RYK: variants seen among roughly 807,000 people sequenced by gnomAD.
RYK encodes receptor like tyrosine kinase.
In RYK, 21 loss-of-function variants were observed where a neutral mutation model predicts 70.2. That is an observed-to-expected ratio of 0.30 (90% CI 0.21 to 0.43). RYK has a LOEUF of 0.43. Ranked by LOEUF, RYK falls within the 20% of genes least tolerant of loss-of-function variation. RYK has a pLI of 1.00. For missense variants in RYK, 604 were observed against 753.3 expected, an observed-to-expected ratio of 0.80 and a Z score of 2.32; for synonymous variants, 267 against 278.0, an observed-to-expected ratio of 0.96 and a Z score of 0.39.
chr3:134,249,291 G>A (rs1559770482), intron 1 of RYK, among the ~76,000 whole-genome samples: 4 of 152,082 alleles, frequency 2.6e-5, no homozygotes, highest in Non-Finnish European at 4.4e-5. Context: ...ATCCGTACAT[G>A]TAATGTCTAA....
In RYK at chr3:134,188,898, C is replaced by T; in HGVS notation, c.1041G>A (p.Gly347=). 6.4e-7 allele frequency: 1 copy of T among 1,574,622 alleles called. No individual in the cohort carries two copies. The highest frequency in any genetic ancestry group is 1.2e-5 in the South Asian group (1 of 86,912). Residue 347 remains glycine, a synonymous_variant, in exon 9 of 15, where the codon GGG becomes GGA. Transcript: ENST00000623711. The part of the protein sequence containing the change: ...QEGTFGRIFH[G]ILIDEKDPNK... ...TTGGATCTTTTTCATCTATTAAAAT[C>T]CCATGGAAAATACGCCCAAAAGTAC...
chr3:134,181,910 A>C (rs2013307038), intron 10 of RYK, among the ~76,000 whole-genome samples: 1 of 152,196 alleles, frequency 6.6e-6, no homozygotes, highest in East Asian at 1.9e-4. Flanking sequence ...TCATGCCTGT[A>C]ATCCCAGCAC....
At chr3:134,184,338 T>C (rs1362299563) in intron 9 of RYK, among the ~76,000 whole-genome samples, 2 of 152,162 alleles carry the variant, frequency 1.3e-5, no homozygotes. Context: ...TAAGTCTACA[T>C]CTCCAAAGGA....
At chr3:134,234,895 A>C (rs1431211826) in intron 1 of RYK, among the ~76,000 whole-genome samples, 1 of 152,108 alleles carries the variant, frequency 6.6e-6, no homozygotes, top group Non-Finnish European at 1.5e-5. Flanking sequence ...TATAAGTATG[A>C]CCATGGTACA....
At chr3:134,227,298 C>T (rs1020098530) in intron 1 of RYK, among the ~76,000 whole-genome samples, 3 of 152,166 alleles carry the variant, frequency 2.0e-5, no homozygotes, top group Non-Finnish European at 2.9e-5. Context: ...GAGAGACATA[C>T]TGTACCATTC....
chr3:134,178,031 T>G lies in RYK; in HGVS notation c.1215A>C (p.Glu405Asp). Reference protein sequence around the residue: ...PITHVCIEEGEKPMVILPYMN... With the variant: ...PITHVCIEEGDKPMVILPYMN... ...TGTAAGGCAATATCACCATGGGCTT[T>G]TCTCCTTCTTCTATACACACATGAG... Residue 405 changes from glutamate to aspartate, a missense_variant, in exon 11 of 15, where the codon GAA (glutamate) becomes GAC (aspartate). Around this residue, in one of 2 missense-constraint regions of RYK, gnomAD observed 466 missense variants for 535.9 expected, o/e 0.87. Transcript: ENST00000623711. The G allele has an allele frequency of 6.2e-7, 1 of 1,603,290 alleles. No individual in the cohort carries two copies. Among genetic ancestry groups the G allele is most frequent in the Non-Finnish European group, 8.5e-7 (1 of 1,171,588 alleles).
chr3:134,178,046 A>G lies in RYK; in HGVS notation c.1200T>C (p.Cys400=). 1 of 1,594,200 alleles carries G rather than the reference A, an allele frequency of 6.3e-7. No individual in the cohort carries two copies. The highest frequency in any genetic ancestry group is 8.6e-7 in the Non-Finnish European group (1 of 1,167,666). ...HRNLLPITHV[C]IEEGEKPMVI... ...CCATGGGCTTTTCTCCTTCTTCTAT[A>G]CACACATGAGTAATAGGAAGAAGAT... is the stretch of plus-strand genomic sequence containing the variant. Residue 400 remains cysteine, a synonymous_variant, in exon 11 of 15, where the codon TGT becomes TGC. Transcript: ENST00000623711.
chr3:134,195,156 C>A lies in RYK; in HGVS notation c.815G>T (p.Gly272Val), dbSNP rs756817652. 8 of 1,612,600 alleles carry A rather than the reference C, an allele frequency of 5.0e-6. No homozygotes were observed. Among genetic ancestry groups the A allele is most frequent in the Non-Finnish European group, 2.5e-6 (3 of 1,179,278 alleles). Residue 272 changes from glycine (G) to valine (V), a missense_variant, in exon 7 of 15, where the codon GGG becomes GTG. Gly to Val is a moderately radical substitution (Grantham distance 109, BLOSUM62 -3). Transcript: ENST00000623711. ...DSISASSSSQ[G>V]LSQPSTQTTQ... ...CGTCTGGGTGGATGGCTGAGACAGCCCTTGGGAACTACTGCTGGCACTAAT... is the reference window on the plus strand; with the variant it reads ...CGTCTGGGTGGATGGCTGAGACAGCACTTGGGAACTACTGCTGGCACTAAT...
At chr3:134,161,828 A>G (rs540005786) in intron 13 of RYK, among the ~76,000 whole-genome samples, 11 of 151,338 alleles carry the variant, frequency 7.3e-5, no homozygotes, top group African/African-American at 2.7e-4. Flanking sequence ...TTGAAAGAAA[A>G]TATAAATCTG....
chr3:134,159,760 T>A (rs1326515653), intron 13 of RYK, among the ~76,000 whole-genome samples: 1 of 152,218 alleles, frequency 6.6e-6, no homozygotes, highest in Non-Finnish European at 1.5e-5. Context: ...AAGAGCATCC[T>A]AAGTGAAATA....
chr3:134,245,435 T>C (rs2015440150), intron 1 of RYK, among the ~76,000 whole-genome samples: 2 of 151,426 alleles, frequency 1.3e-5, no homozygotes, highest in Admixed American at 6.6e-5. Flanking sequence ...AAAGACAACA[T>C]GCTTTTTTAA....
chr3:134,162,154 T>A (rs2012495882), intron 13 of RYK, among the ~76,000 whole-genome samples: 1 of 152,042 alleles, frequency 6.6e-6, no homozygotes, highest in Non-Finnish European at 1.5e-5. Context: ...GAGTATGACC[T>A]CATCTTAACG....
chr3:134,160,369 T>C (rs938017338), intron 13 of RYK, among the ~76,000 whole-genome samples: 1 of 151,870 alleles, frequency 6.6e-6, no homozygotes, highest in African/African-American at 2.4e-5. Flanking sequence ...AAAAGAGAAA[T>C]ACCAAACGCA....
chr3:134,239,260 G>C (rs2015261690), intron 1 of RYK, among the ~76,000 whole-genome samples: 2 of 152,098 alleles, frequency 1.3e-5, no homozygotes, highest in Non-Finnish European at 2.9e-5. Flanking sequence ...AGAAGTTTCA[G>C]ACCATCCTGG....
intron 1 of RYK, among the ~76,000 whole-genome samples, chr3:134,227,411 ATAAAT>A (rs2014942164): frequency 1.3e-5 from 2 of 152,228 alleles, no homozygotes; most frequent in South Asian, 2.1e-4. Context: ...TTTTGAAAAA[ATAAAT>A]TAATCGTGAA....
At chr3:134,234,694 C>CA (rs2015156451) in intron 1 of RYK, among the ~76,000 whole-genome samples, 1 of 152,014 alleles carries the variant, frequency 6.6e-6, no homozygotes, top group South Asian at 2.1e-4. Context: ...GTATTCTTCC[C>CA]AAAAAGTTTC....
At chr3:134,247,514 C>A (rs953492381) in intron 1 of RYK, among the ~76,000 whole-genome samples, 1 of 152,106 alleles carries the variant, frequency 6.6e-6, no homozygotes, top group Non-Finnish European at 1.5e-5. Context: ...AACAGCCTGA[C>A]CAACATGGAG....
chr3:134,224,029 T>C (rs2014812557), intron 1 of RYK, among the ~76,000 whole-genome samples: 1 of 152,220 alleles, frequency 6.6e-6, no homozygotes, highest in African/African-American at 2.4e-5. Flanking sequence ...GGAAAGCTGC[T>C]GAACTTGTAG....
intron 2 of RYK, among the ~76,000 whole-genome samples, chr3:134,221,455 A>C (rs536908296): frequency 3.3e-5 from 5 of 152,012 alleles, no homozygotes; most frequent in South Asian, 2.1e-4. Context: ...CACCTGTCTC[A>C]ATCTCCCAAA....
Sources: gnomAD v4.1 joint callset for allele counts (sites outside exome capture counted in the v4.1 genomes callset) on GRCh38, gnomAD v4.1.1 for gene constraint, gnomAD v4.1.1 regional missense constraint, MANE v1.5 for transcripts, NCBI Gene and HGNC (gene_info 2026-07-23, HGNC 2026-07-21) for gene names.